Variants in ATP8A2 observed in about 807,000 individuals in gnomAD.
The protein encoded by ATP8A2 is ATPase phospholipid transporting 8A2.
A neutral mutation model predicts 165.6 loss-of-function variants in ATP8A2; 100 were observed. That is an observed-to-expected ratio of 0.60 (90% CI 0.51 to 0.71). The LOEUF (loss-of-function observed/expected upper bound fraction) is 0.71. Among genes scored for constraint, ATP8A2 ranks in the 30% least tolerant of loss-of-function variants. ATP8A2 has a pLI of 0.00. For missense variants in ATP8A2, 1,227 were observed against 1,479.5 expected, an observed-to-expected ratio of 0.83 and a Z score of 2.80; for synonymous variants, 543 against 548.8, an observed-to-expected ratio of 0.99 and a Z score of 0.15.
intron 1 of ATP8A2, among the ~76,000 whole-genome samples, chr13:25,400,183 T>C (rs7995822): frequency 0.84 from 128,252 of 152,120 alleles, 54,218 homozygotes; most frequent in East Asian, 0.96. Flanking sequence ...ATCAGCCTCC[T>C]AAAGTGGCTG....
chr13:25,376,588 T>C (rs561159416), intron 1 of ATP8A2, among the ~76,000 whole-genome samples: 254 of 152,320 alleles, frequency 1.7e-3, no homozygotes, highest in African/African-American at 5.5e-3. Flanking sequence ...TCATGGGTGG[T>C]TGGTAGTGGT....
rs867854875 is a variant in ATP8A2, at chr13:25,824,127, C to T, written c.2680-3991C>T. Among the ~76,000 whole-genome samples, 7 of 152,170 alleles carry T rather than the reference C, an allele frequency of 4.6e-5. 1 individual carries two copies. The Middle Eastern group carries it at 0.01, about 222-fold the overall frequency. On this transcript the variant is annotated intron_variant, in intron 27 of 36. Transcript: ENST00000381655. ...CTGGGATTACAGGTGTGCACCACCA[C>T]GCCTGGCTAATGTTTGTATTTTTAG...
intron 25 of ATP8A2, among the ~76,000 whole-genome samples, chr13:25,731,809 G>T (rs2043653957): frequency 6.6e-6 from 1 of 152,226 alleles, no homozygotes; most frequent in Non-Finnish European, 1.5e-5. Context: ...AAAATCCATT[G>T]TAACAGGGCA....
At chr13:25,707,658 T>A (rs1170883685) in intron 25 of ATP8A2, among the ~76,000 whole-genome samples, 4 of 152,230 alleles carry the variant, frequency 2.6e-5, no homozygotes, top group Non-Finnish European at 5.9e-5. Context: ...CATTTAATAA[T>A]GAGGATTGAT....
At chr13:25,983,004 A>G (rs1439609457) in intron 35 of ATP8A2, among the ~76,000 whole-genome samples, 2 of 152,178 alleles carry the variant, frequency 1.3e-5, no homozygotes, top group East Asian at 1.9e-4. Flanking sequence ...TCAATGCATT[A>G]TTCTTGCATT....
chr13:25,609,534 G>GGATTCAAATATATATATATATATTT (rs2040603361), intron 24 of ATP8A2, among the ~76,000 whole-genome samples: 8 of 42,212 alleles, frequency 1.9e-4, no homozygotes, highest in Admixed American at 3.1e-4. Flanking sequence ...ATATATATTT[G>GGATTCAAATATATATATATATATTT]GGATTCAAAT....
At chr13:25,870,212 C>T (rs139326786) in intron 33 of ATP8A2, among the ~76,000 whole-genome samples, 4 of 152,288 alleles carry the variant, frequency 2.6e-5, no homozygotes, top group African/African-American at 9.6e-5. Flanking sequence ...TCTGGCTTTC[C>T]AGTGTTCCTC....
chr13:25,906,255 G>GC lies in ATP8A2; in HGVS notation c.3183+43853dup, dbSNP rs1456813890. Reference sequence around the variant, plus strand: ...TTTGCATCCTTTCACTACCCTCCCCGCCCCCCGCCCAATCCTAGCATAAAC... The same window carrying GC: ...TTTGCATCCTTTCACTACCCTCCCCGCCCCCCCGCCCAATCCTAGCATAAAC... On this transcript the variant is annotated intron_variant, in intron 33 of 36. Transcript: ENST00000381655. Among the ~76,000 whole-genome samples, 4 of 92,656 alleles carry GC rather than the reference G, an allele frequency of 4.3e-5. No individual in the cohort carries two copies. In the Admixed American group the frequency reaches 6.5e-4, roughly 15 times the overall value. The allele number at this position is 92,656 out of a possible 152,430, so 60.8% of individuals were successfully genotyped here. A position where few individuals can be genotyped will look rare whatever the true frequency, so the allele number is the denominator to read the frequency against.
intron 33 of ATP8A2, among the ~76,000 whole-genome samples, chr13:25,935,161 A>C (rs1183342743): frequency 6.6e-6 from 1 of 152,204 alleles, no homozygotes; most frequent in Non-Finnish European, 1.5e-5. Flanking sequence ...TTAATCATTA[A>C]ACTCACCCTA....
chr13:26,016,291 C>T (rs527794812), intron 36 of ATP8A2, among the ~76,000 whole-genome samples: 11 of 152,170 alleles, frequency 7.2e-5, no homozygotes, highest in African/African-American at 2.2e-4. Context: ...ACAGACCTCA[C>T]GTTGCTCTAC....
chr13:25,628,879 T>TA (rs2041168515), intron 24 of ATP8A2, among the ~76,000 whole-genome samples: 1 of 152,166 alleles, frequency 6.6e-6, no homozygotes, highest in African/African-American at 2.4e-5. Flanking sequence ...GACTCCAACA[T>TA]ACGTTTTATT....
At chr13:25,649,095 C>T (rs533591833) in intron 24 of ATP8A2, 3 of 475,406 alleles carry the variant, frequency 6.3e-6, no homozygotes, top group African/African-American at 3.9e-5. Context: ...TGTGTCCTTG[C>T]GTTGGTGTTT....
intron 13 of ATP8A2, among the ~76,000 whole-genome samples, chr13:25,556,523 C>T (rs1311869614): frequency 2.6e-5 from 4 of 152,094 alleles, no homozygotes; most frequent in African/African-American, 4.8e-5. Flanking sequence ...AGACCTTTGT[C>T]GGATGTATAA....
chr13:26,010,384 G>A (rs78991615), intron 35 of ATP8A2, among the ~76,000 whole-genome samples: 5,091 of 152,320 alleles, frequency 0.033, 116 homozygotes, highest in Non-Finnish European at 0.052. Context: ...TGGGGGCAGA[G>A]CCTAGTCCTG....
chr13:25,771,066 CA>C (rs1351342256), intron 26 of ATP8A2, among the ~76,000 whole-genome samples: 1 of 152,240 alleles, frequency 6.6e-6, no homozygotes, highest in African/African-American at 2.4e-5. Context: ...GGAGAAATTA[CA>C]AAATCCTCCT....
At position 25,839,548 on chromosome 13, in the gene ATP8A2, T is replaced by C; in HGVS notation, c.2880T>C (p.Val960=). 4 of 1,613,848 alleles carry C rather than the reference T, an allele frequency of 2.5e-6. No homozygotes were observed. The highest frequency in any genetic ancestry group is 3.4e-6 in the Non-Finnish European group (4 of 1,179,770). ...TCCCTTGGTTTGTTTTTCCTTAGGT[T>C]TTCTGGGGTCACTGCATCAACGCCT... ...TQNGEGFNTK[V]FWGHCINALV... Residue 960 remains valine, a splice_region_variant and synonymous_variant, in exon 30 of 37, where the codon GTT becomes GTC. Transcript: ENST00000381655.
rs552898555 is a variant in ATP8A2, at chr13:25,828,271, A to G, written c.2754+79A>G. On this transcript the variant is annotated intron_variant, in intron 28 of 36. Coordinates refer to ENST00000381655, the MANE Select transcript of ATP8A2 (RefSeq NM_016529.6). ...CATTCCTTCACTGTTTATGTCTGGG[A>G]AGTGTATCTGAGTCAATCATCTGTA... 31 of 1,182,362 alleles carry G rather than the reference A, an allele frequency of 2.6e-5. No homozygotes were observed. In the East Asian group the frequency reaches 7.2e-4, roughly 28 times the overall value. The allele number at this position is 1,182,362 out of a possible 1,614,324, so 73.2% of individuals were successfully genotyped here.
At chr13:25,884,629 G>A (rs1953084683) in intron 33 of ATP8A2, among the ~76,000 whole-genome samples, 1 of 152,214 alleles carries the variant, frequency 6.6e-6, no homozygotes, top group South Asian at 2.1e-4. Flanking sequence ...TCTCCCTCCT[G>A]ATCCTCTGTC....
intron 24 of ATP8A2, among the ~76,000 whole-genome samples, chr13:25,641,417 C>A: frequency 6.6e-6 from 1 of 152,176 alleles, no homozygotes; most frequent in Non-Finnish European, 1.5e-5. Flanking sequence ...TCTCAGGATA[C>A]AAAATCAATG....
Sources: allele counts gnomAD v4.1 joint callset (sites outside exome capture counted in the v4.1 genomes callset), GRCh38; gene constraint gnomAD v4.1.1; transcripts MANE v1.5; gene names NCBI Gene and HGNC (gene_info 2026-07-23, HGNC 2026-07-21).